AMN1: variants seen among roughly 807,000 people sequenced by gnomAD.
AMN1 encodes the protein protein AMN1 homolog.
Under a neutral mutation model 33.0 loss-of-function variants are expected in AMN1, and 20 were observed. The observed-to-expected ratio is 0.61, with a 90% CI of 0.43 to 0.88. AMN1 has a LOEUF of 0.88. Among genes scored for constraint, AMN1 ranks in the 40% least tolerant of loss-of-function variants. The probability of loss-of-function intolerance (pLI) is 0.00; values close to 1 mark genes in which losing one functional copy is unlikely to be tolerated. For synonymous variants in AMN1, 114 were observed against 111.9 expected, an observed-to-expected ratio of 1.02 and a Z score of -0.12; for missense variants, 246 against 307.4, an observed-to-expected ratio of 0.80 and a Z score of 1.49.
chr12:31,705,179 G>A (rs909650670), intron 2 of AMN1, among the ~76,000 whole-genome samples: 2 of 152,200 alleles, frequency 1.3e-5, no homozygotes, highest in Non-Finnish European at 2.9e-5. Flanking sequence ...CAATTCCAAT[G>A]TAAAGTCACA....
chr12:31,698,698 A>G (rs749189755), intron 3 of AMN1, among the ~76,000 whole-genome samples: 8 of 152,246 alleles, frequency 5.3e-5, no homozygotes, highest in East Asian at 1.9e-4. Context: ...TGGTAAATTC[A>G]TGGGTAGGTC....
At chr12:31,694,711 AC>A (rs1938648425) in intron 5 of AMN1, among the ~76,000 whole-genome samples, 1 of 152,086 alleles carries the variant, frequency 6.6e-6, no homozygotes, top group South Asian at 2.1e-4. Context: ...GTGCCACTGT[AC>A]TCCACCCTGG....
intron 1 of AMN1, among the ~76,000 whole-genome samples, chr12:31,718,211 T>C (rs1164974545): frequency 6.6e-6 from 1 of 151,938 alleles, no homozygotes; most frequent in Non-Finnish European, 1.5e-5. Context: ...AATTTGGCTA[T>C]TGATATTGTA....
intron 1 of AMN1, chr12:31,714,508 T>C (rs1388075673): frequency 1.3e-5 from 2 of 152,170 alleles, no homozygotes; most frequent in Non-Finnish European, 2.9e-5. Context: ...CTGTATTTCT[T>C]GTAGAGATGG....
At chr12:31,684,061 T>G (rs2139663837) in intron 6 of AMN1, among the ~76,000 whole-genome samples, 1 of 152,312 alleles carries the variant, frequency 6.6e-6, no homozygotes, top group African/African-American at 2.4e-5. Context: ...TGTCAATATT[T>G]AAAAGATCTA....
intron 2 of AMN1, among the ~76,000 whole-genome samples, chr12:31,707,234 T>A (rs1417740443): frequency 6.6e-6 from 1 of 152,248 alleles, no homozygotes. Context: ...TACATTATAC[T>A]GTTACACCTA....
At chr12:31,692,583 T>G (rs1938550202) in intron 5 of AMN1, among the ~76,000 whole-genome samples, 1 of 151,116 alleles carries the variant, frequency 6.6e-6, no homozygotes, top group Non-Finnish European at 1.5e-5. Context: ...AATTTAGGAC[T>G]GTTAAAAAAA....
chr12:31,712,564 T>C (rs537267631), intron 1 of AMN1, among the ~76,000 whole-genome samples: 42 of 152,098 alleles, frequency 2.8e-4, no homozygotes, highest in Admixed American at 3.3e-4. Context: ...TATTTTTTAA[T>C]GGCTGAATAA....
rs1939016977 is a variant in AMN1 at position 31,701,843 on chromosome 12, C to T, written c.316+20G>A. Reference sequence around the variant, plus strand: ...TAGTGAATAGTAATCTACCAATGTACTCAGTGTTAATAAACATACCTTCTG... The same window carrying T: ...TAGTGAATAGTAATCTACCAATGTATTCAGTGTTAATAAACATACCTTCTG... On this transcript the variant is annotated intron_variant, in intron 3 of 6. Coordinates refer to ENST00000281471, the MANE Select transcript of AMN1 (RefSeq NM_001113402.2). 3 of 1,578,790 alleles carry T rather than the reference C, an allele frequency of 1.9e-6. No individual in the cohort carries two copies. Among genetic ancestry groups the T allele is most frequent in the South Asian group, 1.2e-5 (1 of 84,336 alleles).
At chr12:31,678,394 CT>C (rs71062449) in intron 6 of AMN1, among the ~76,000 whole-genome samples, 88,480 of 146,318 alleles carry the variant, frequency 0.6, 26,839 homozygotes, top group East Asian at 0.86. Context: ...GAAATACAAA[CT>C]TTTTTTTTTT....
intron 6 of AMN1, among the ~76,000 whole-genome samples, chr12:31,676,242 T>C (rs1937689532): frequency 6.6e-6 from 1 of 151,640 alleles, no homozygotes; most frequent in Non-Finnish European, 1.5e-5. Flanking sequence ...AAGATAGCAA[T>C]ATTTCCCAAA....
rs1477592455 is a variant in AMN1, at chr12:31,722,527, C to CA, written c.38+6443dup. Among the ~76,000 whole-genome samples, 5 of 152,020 alleles carry CA rather than the reference C, an allele frequency of 3.3e-5. No individual in the cohort carries two copies. In the East Asian group the frequency reaches 7.7e-4, roughly 23 times the overall value. On this transcript the variant is annotated intron_variant, in intron 1 of 6. Transcript: ENST00000281471. ...GCATCTTAGTAAGGTAGTTTGGTCA[C>CA]AAAAAAGGCACCCTGAAAGGGTTCA... is the stretch of plus-strand genomic sequence containing the variant.
intron 3 of AMN1, among the ~76,000 whole-genome samples, chr12:31,701,308 A>C (rs1938989693): frequency 6.7e-6 from 1 of 150,194 alleles, no homozygotes; most frequent in African/African-American, 2.5e-5. Context: ...CCTATTTTTT[A>C]TTTCTTTCTG....
chr12:31,675,211 A>G (rs991833845), intron 6 of AMN1, among the ~76,000 whole-genome samples: 2 of 151,734 alleles, frequency 1.3e-5, no homozygotes, highest in Admixed American at 1.3e-4. Flanking sequence ...TGAGCCCAGG[A>G]GTTCAAGACC....
rs940161128 is a variant in AMN1 at position 31,720,145 on chromosome 12, C to A, written c.38+8826G>T. On this transcript the variant is annotated intron_variant, in intron 1 of 6. Coordinates refer to ENST00000281471, the MANE Select transcript of AMN1 (RefSeq NM_001113402.2). The stretch of plus-strand genomic sequence containing the variant: ...ATGAAATTAATCATTTTACAGTGTG[C>A]ACTTCAGTGGCATTTTGTACATTTA... Among the ~76,000 whole-genome samples the A allele has an allele frequency of 7.2e-5, 11 of 152,272 alleles. 1 individual carries two copies. The highest frequency in any genetic ancestry group is 1.9e-4 in the East Asian group (1 of 5,188).
rs74085168 is a variant in AMN1 at position 31,710,258 on chromosome 12, A to C, written c.39-833T>G. 8.3e-3 allele frequency among the ~76,000 whole-genome samples: 1,269 copies of C among 152,308 alleles called. 18 individuals carry two copies. Among genetic ancestry groups the C allele is most frequent in the African/African-American group, 0.029 (1,197 of 41,556 alleles). On this transcript the variant is annotated intron_variant, in intron 1 of 6. Coordinates refer to ENST00000281471, the MANE Select transcript of AMN1 (RefSeq NM_001113402.2). ...TTATCAGGCAACAACCAAGAATCTT[A>C]TGACCAACATATCTTATCTGTGTCC...
chr12:31,710,141 G>C (rs550273194), intron 1 of AMN1, among the ~76,000 whole-genome samples: 256 of 152,142 alleles, frequency 1.7e-3, no homozygotes, highest in Admixed American at 3.1e-3. Flanking sequence ...GAAATCACTA[G>C]AGAAAGAACC....
chr12:31,717,146 CT>C (rs1939708630), intron 1 of AMN1, among the ~76,000 whole-genome samples: 1 of 152,146 alleles, frequency 6.6e-6, no homozygotes, highest in South Asian at 2.1e-4. Flanking sequence ...TGTTGTTCCC[CT>C]CCCTGTGTCC....
At chr12:31,718,909 C>T (rs1939779452) in intron 1 of AMN1, among the ~76,000 whole-genome samples, 1 of 152,358 alleles carries the variant, frequency 6.6e-6, no homozygotes, top group African/African-American at 2.4e-5. Context: ...AGACGCCCCT[C>T]CCCCCGCCAA....
Sources: gnomAD v4.1 joint callset for allele counts (sites outside exome capture counted in the v4.1 genomes callset) on GRCh38, gnomAD v4.1.1 for gene constraint, MANE v1.5 for transcripts, NCBI Gene and HGNC (gene_info 2026-07-23, HGNC 2026-07-21) for gene names.